Variants in PTPRD observed in about 807,000 individuals in gnomAD.
The protein encoded by PTPRD is receptor-type tyrosine-protein phosphatase delta.
Under a neutral mutation model 214.5 loss-of-function variants are expected in PTPRD, and 34 were observed. The observed-to-expected ratio is 0.16, with a 90% CI of 0.12 to 0.21. The LOEUF (loss-of-function observed/expected upper bound fraction) is 0.21. Among genes scored for constraint, PTPRD ranks in the 10% least tolerant of loss-of-function variants. The probability of loss-of-function intolerance (pLI) is 1.00; values close to 1 mark genes in which losing one functional copy is unlikely to be tolerated. For missense variants in PTPRD, 2,545 were observed against 2,398.7 expected, an observed-to-expected ratio of 1.06 and a Z score of -1.27; for synonymous variants, 1,128 against 845.7, an observed-to-expected ratio of 1.33 and a Z score of -5.79.
intron 7 of PTPRD, among the ~76,000 whole-genome samples, chr9:9,716,316 G>A (rs1332897403): frequency 2.6e-5 from 4 of 151,766 alleles, no homozygotes; most frequent in Admixed American, 2.0e-4. Flanking sequence ...ATAAACATAC[G>A]TGTGCATGTG....
intron 5 of PTPRD, among the ~76,000 whole-genome samples, chr9:9,838,007 G>A (rs577972431): frequency 2.8e-4 from 43 of 152,196 alleles, no homozygotes; most frequent in African/African-American, 9.6e-4. Context: ...CAATGAGTGA[G>A]AACACACGGT....
chr9:9,360,716 T>C (rs1431118603), intron 9 of PTPRD, among the ~76,000 whole-genome samples: 1 of 151,222 alleles, frequency 6.6e-6, no homozygotes, highest in African/African-American at 2.4e-5. Flanking sequence ...TTCATTGTAT[T>C]ATATTTTCTA....
intron 31 of PTPRD, among the ~76,000 whole-genome samples, chr9:8,465,912 C>A (rs564385072): frequency 6.6e-5 from 10 of 151,980 alleles, no homozygotes. Context: ...GCTATAAACA[C>A]AGGGCAATGA....
chr9:10,432,151 T>C (rs955910395), intron 2 of PTPRD, among the ~76,000 whole-genome samples: 16 of 151,290 alleles, frequency 1.1e-4, no homozygotes, highest in East Asian at 3.9e-4. Flanking sequence ...ATGGATGAAA[T>C]TGGAAATCAT....
At chr9:9,163,365 A>G (rs142098798) in intron 10 of PTPRD, among the ~76,000 whole-genome samples, 1 of 151,970 alleles carries the variant, frequency 6.6e-6, no homozygotes, top group African/African-American at 2.4e-5. Context: ...TCCACACTTA[A>G]TTGTCCTCTT....
At chr9:10,192,895 G>A (rs773767089) in intron 3 of PTPRD, among the ~76,000 whole-genome samples, 9 of 152,270 alleles carry the variant, frequency 5.9e-5, no homozygotes, top group Middle Eastern at 3.4e-3. Flanking sequence ...ACAGCCTAAA[G>A]CTTCCTAAGC....
chr9:10,592,232 G>A (rs576945826), intron 2 of PTPRD, among the ~76,000 whole-genome samples: 1 of 152,094 alleles, frequency 6.6e-6, no homozygotes, highest in African/African-American at 2.4e-5. Context: ...AAGGAGCTGT[G>A]AGCTAAGTGG....
intron 11 of PTPRD, among the ~76,000 whole-genome samples, chr9:8,841,743 G>A: frequency 6.6e-6 from 1 of 151,770 alleles, no homozygotes; most frequent in Non-Finnish European, 1.5e-5. Flanking sequence ...CTGGCACGGT[G>A]GCTCACTCCT....
chr9:8,632,343 G>T (rs2096280214), intron 14 of PTPRD, among the ~76,000 whole-genome samples: 1 of 151,684 alleles, frequency 6.6e-6, no homozygotes, highest in African/African-American at 2.4e-5. Flanking sequence ...CTCCATGGGG[G>T]TAAAAAAAAT....
At chr9:9,613,587 T>A (rs1442430377) in intron 7 of PTPRD, among the ~76,000 whole-genome samples, 3 of 152,216 alleles carry the variant, frequency 2.0e-5, no homozygotes, top group Non-Finnish European at 2.9e-5. Flanking sequence ...TCTTTAGTTT[T>A]TCTATTAAGT....
intron 12 of PTPRD, among the ~76,000 whole-genome samples, chr9:8,706,442 G>A (rs1351033124): frequency 6.6e-6 from 1 of 152,162 alleles, no homozygotes; most frequent in South Asian, 2.1e-4. Flanking sequence ...AGCAGCTAAA[G>A]ACAAGTGTTC....
intron 2 of PTPRD, among the ~76,000 whole-genome samples, chr9:10,529,543 G>T (rs2055485798): frequency 6.7e-6 from 1 of 149,954 alleles, no homozygotes; most frequent in Admixed American, 6.7e-5. Flanking sequence ...CACAGGGAGG[G>T]GAACATCATA....
chr9:9,993,236 A>G (rs1056513678), intron 4 of PTPRD, among the ~76,000 whole-genome samples: 2 of 152,210 alleles, frequency 1.3e-5, no homozygotes, highest in African/African-American at 4.8e-5. Flanking sequence ...GGCTATATCT[A>G]CTAAATATGG....
At chr9:10,269,952 T>C (rs772772134) in intron 3 of PTPRD, among the ~76,000 whole-genome samples, 2 of 152,080 alleles carry the variant, frequency 1.3e-5, no homozygotes, top group Middle Eastern at 3.2e-3. Flanking sequence ...AATTATAAGA[T>C]TCAAATAGGG....
At chr9:9,486,635 A>G (rs541241320) in intron 8 of PTPRD, among the ~76,000 whole-genome samples, 5 of 152,134 alleles carry the variant, frequency 3.3e-5, no homozygotes, top group Non-Finnish European at 2.9e-5. Context: ...TTCAAACCAT[A>G]TTCCGTCTAC....
At chr9:9,234,333 G>A (rs2099965164) in intron 9 of PTPRD, among the ~76,000 whole-genome samples, 1 of 152,190 alleles carries the variant, frequency 6.6e-6, no homozygotes, top group African/African-American at 2.4e-5. Flanking sequence ...TCCTGAGGAT[G>A]CATAGAGTGG....
intron 9 of PTPRD, among the ~76,000 whole-genome samples, chr9:9,374,924 G>T (rs556801714): frequency 6.6e-6 from 1 of 152,208 alleles, no homozygotes; most frequent in East Asian, 1.9e-4. Context: ...AAGGGACAAA[G>T]AAATTTGAAT....
In PTPRD at chr9:9,243,633, C is replaced by A. The variant is rs190317454; in HGVS notation, c.-202-60270G>T. 6.8e-3 allele frequency among the ~76,000 whole-genome samples: 1,036 copies of A among 152,160 alleles called. 18 individuals carry two copies. Among genetic ancestry groups the A allele is most frequent in the African/African-American group, 0.023 (975 of 41,522 alleles). On this transcript the variant is annotated intron_variant, in intron 9 of 45. Coordinates refer to ENST00000381196, the MANE Select transcript of PTPRD (RefSeq NM_002839.4). ...CTCAATAAACTAGGTATTGATGGAA[C>A]GTATCTGAAAATAATAAGAGCTATT...
At chr9:8,561,604 G>A (rs1191055295) in intron 14 of PTPRD, among the ~76,000 whole-genome samples, 1 of 152,170 alleles carries the variant, frequency 6.6e-6, no homozygotes, top group African/African-American at 2.4e-5. Flanking sequence ...CAAGGTGGGG[G>A]TGAGGGGGGG....
Sources: gnomAD v4.1 joint callset for allele counts (sites outside exome capture counted in the v4.1 genomes callset) on GRCh38, gnomAD v4.1.1 for gene constraint, MANE v1.5 for transcripts, NCBI Gene and HGNC (gene_info 2026-07-23, HGNC 2026-07-21) for gene names.